RBM33: variants seen among roughly 807,000 people sequenced by gnomAD.
RBM33 encodes RNA-binding protein 33.
Under a neutral mutation model 132.6 loss-of-function variants are expected in RBM33, and 28 were observed. That is an observed-to-expected ratio of 0.21 (90% CI 0.16 to 0.29). The LOEUF is 0.29. Ranked by LOEUF, RBM33 falls within the 10% of genes least tolerant of loss-of-function variation. The pLI is 1.00. For synonymous variants in RBM33, 634 were observed against 593.0 expected (o/e 1.07, Z -1.01); for missense variants, 1,291 against 1,518.5 (o/e 0.85, Z 2.49).
chr7:155,655,630 T>C (rs1276104302), intron 1 of RBM33, among the ~76,000 whole-genome samples: 1 of 147,316 alleles, frequency 6.8e-6, no homozygotes, highest in Admixed American at 7.0e-5. Context: ...TAACATGAAT[T>C]AAGGCAGTGA....
intron 1 of RBM33, among the ~76,000 whole-genome samples, chr7:155,657,791 G>A: frequency 6.6e-6 from 1 of 152,176 alleles, no homozygotes; most frequent in Admixed American, 6.5e-5. Flanking sequence ...AAAATATTGG[G>A]ATTTTGCTTC....
chr7:155,683,358 G>T (rs1799388104), intron 5 of RBM33, among the ~76,000 whole-genome samples: 1 of 152,204 alleles, frequency 6.6e-6, no homozygotes, highest in South Asian at 2.1e-4. Context: ...TGAGCAGATT[G>T]TGTCTCTGTG....
intron 2 of RBM33, among the ~76,000 whole-genome samples, chr7:155,666,219 C>T (rs1296231243): frequency 1.3e-5 from 2 of 152,182 alleles, no homozygotes; most frequent in African/African-American, 4.8e-5. Context: ...GCCCAGTGTT[C>T]TGTGAACCAG....
intron 9 of RBM33, among the ~76,000 whole-genome samples, chr7:155,733,684 A>G (rs1801024521): frequency 6.6e-6 from 1 of 152,188 alleles, no homozygotes; most frequent in Non-Finnish European, 1.5e-5. Flanking sequence ...GAATCCCTGC[A>G]GTTGTCAGTC....
chr7:155,752,098 G>T (rs1486762518), intron 14 of RBM33, among the ~76,000 whole-genome samples: 1 of 152,196 alleles, frequency 6.6e-6, no homozygotes, highest in Admixed American at 6.5e-5. Flanking sequence ...TGGTTTCTGT[G>T]TCCTTTGATT....
In RBM33 at chr7:155,738,356, G is replaced by T. The variant is rs770104813; in HGVS notation, c.1690G>T (p.Gly564Cys). 1.2e-6 allele frequency: 2 copies of T among 1,613,958 alleles called. No homozygotes were observed. The highest frequency in any genetic ancestry group is 1.7e-5 in the Admixed American group (1 of 60,016). ...FIPPRQPFLP[G>C]PGQPFLPTHT... ...TCCTCCTAGACAGCCGTTCCTGCCA[G>T]GCCCAGGACAGCCGTTTCTGCCCAC... The change falls in exon 11 of 18, where the codon GGC (glycine) becomes TGC (cysteine). Residue 564 changes from glycine (G) to cysteine (C), a missense_variant. Gly to Cys is a radical substitution (Grantham distance 159). This residue lies in a region of RBM33 where 841 missense variants were observed against 912.0 expected (regional missense o/e 0.92). Transcript: ENST00000401878.
rs1799885727 is a variant in RBM33 at position 155,699,183 on chromosome 7, G to T, written c.568-1590G>T. Among the ~76,000 whole-genome samples the T allele has an allele frequency of 1.3e-5, 2 of 152,174 alleles. 1 individual carries two copies. The highest frequency in any genetic ancestry group is 4.1e-4 in the South Asian group (2 of 4,830). On this transcript the variant is annotated intron_variant, in intron 5 of 17. Transcript: ENST00000401878. ...TAATAGTTGAATTGAAGATGACTTT[G>T]TAGAATCTTTGCTTTGTTGGTAGTG... is the stretch of plus-strand genomic sequence containing the variant.
At chr7:155,754,221 A>C (rs936323996) in intron 14 of RBM33, among the ~76,000 whole-genome samples, 2 of 152,168 alleles carry the variant, frequency 1.3e-5, no homozygotes, top group Non-Finnish European at 2.9e-5. Context: ...GAAATAATTC[A>C]CCTTCAGCTA....
At chr7:155,724,988 G>GT (rs148975210) in intron 9 of RBM33, among the ~76,000 whole-genome samples, 3,676 of 117,190 alleles carry the variant, frequency 0.031, 54 homozygotes, top group Middle Eastern at 0.043. Flanking sequence ...TTGTGTACAG[G>GT]TTTGTGTGTG....
At chr7:155,672,674 G>A (rs1031916552) in intron 2 of RBM33, among the ~76,000 whole-genome samples, 193 bp from the exon 3 acceptor site, 2 of 151,308 alleles carry the variant, frequency 1.3e-5, no homozygotes, top group Admixed American at 6.6e-5. Context: ...GAGCCTGGGA[G>A]GCAGAGGTTG....
At chr7:155,764,272 T>C (rs1370550901) in intron 15 of RBM33, among the ~76,000 whole-genome samples, 1 of 152,194 alleles carries the variant, frequency 6.6e-6, no homozygotes, top group Non-Finnish European at 1.5e-5. Flanking sequence ...TTCCTGCCGC[T>C]CTGAACTGTC....
chr7:155,688,726 T>G (rs1799547445), intron 5 of RBM33, among the ~76,000 whole-genome samples: 1 of 152,224 alleles, frequency 6.6e-6, no homozygotes, highest in Admixed American at 6.5e-5. Flanking sequence ...CTGCATCTGT[T>G]GAGATAATCG....
chr7:155,656,483 T>C (rs1174925086), intron 1 of RBM33, among the ~76,000 whole-genome samples: 1 of 152,334 alleles, frequency 6.6e-6, no homozygotes, highest in Non-Finnish European at 1.5e-5. Context: ...TCTAAAATTG[T>C]TTGAAAAGAC....
At chr7:155,721,137 TCG>T (rs1800612224) in intron 9 of RBM33, among the ~76,000 whole-genome samples, 2 of 137,006 alleles carry the variant, frequency 1.5e-5, no homozygotes, top group East Asian at 2.2e-4. Flanking sequence ...AAAGCTGTGC[TCG>T]TAGTAGTGCA....
chr7:155,720,229 C>T (rs934468437), intron 9 of RBM33, among the ~76,000 whole-genome samples: 9 of 152,194 alleles, frequency 5.9e-5, no homozygotes, highest in Non-Finnish European at 1.3e-4. Flanking sequence ...AAGAAGTGTT[C>T]TCTTCAGCCC....
At chr7:155,707,176 G>C in intron 7 of RBM33, 108 bp downstream of exon 7, 1 of 983,692 alleles carries the variant, frequency 1.0e-6, no homozygotes, top group Non-Finnish European at 1.6e-6. Context: ...GAAATGAAAG[G>C]TTAGTAGCAG....
rs1000757187 is a variant in RBM33, at chr7:155,741,680, GA to G, written c.2050-133del. On this transcript the variant is annotated intron_variant, in intron 12 of 17. Transcript: ENST00000401878. Reference sequence around the variant, plus strand: ...TTTATGTATGAGAAAAAAAGTATGAGAAAAAAGTATCTGCTCCCCAAAAGAA... The same window carrying G: ...TTTATGTATGAGAAAAAAAGTATGAGAAAAAGTATCTGCTCCCCAAAAGAA... 70 of 806,098 alleles carry G rather than the reference GA, an allele frequency of 8.7e-5. No individual in the cohort carries two copies. In the African/African-American group the frequency reaches 1.2e-3, roughly 13 times the overall value. The allele number at this position is 806,098 out of a possible 1,614,324, so 49.9% of individuals were successfully genotyped here. A position where few individuals can be genotyped will look rare whatever the true frequency, so the allele number is the denominator to read the frequency against.
intron 9 of RBM33, among the ~76,000 whole-genome samples, chr7:155,728,878 TGAA>T (rs1348806923): frequency 1.3e-5 from 2 of 152,150 alleles, no homozygotes; most frequent in Non-Finnish European, 2.9e-5. Flanking sequence ...GTATACTAAG[TGAA>T]GGTTATTTAA....
intron 1 of RBM33, among the ~76,000 whole-genome samples, chr7:155,656,564 A>G (rs1585400408): frequency 6.6e-6 from 1 of 152,208 alleles, no homozygotes; most frequent in Non-Finnish European, 1.5e-5. Context: ...GTCAAAAAAC[A>G]TATCGAGTGA....
Sources: gnomAD v4.1 joint callset for allele counts (sites outside exome capture counted in the v4.1 genomes callset) on GRCh38, gnomAD v4.1.1 for gene constraint, gnomAD v4.1.1 regional missense constraint, MANE v1.5 for transcripts, NCBI Gene and HGNC (gene_info 2026-07-23, HGNC 2026-07-21) for gene names.